Variants in LMBR1 observed in about 807,000 individuals in gnomAD.
The protein encoded by LMBR1 is limb region 1 protein homolog.
Under a neutral mutation model 73.9 loss-of-function variants are expected in LMBR1, and 52 were observed. The ratio of observed to expected loss-of-function variants is 0.70; its 90% CI spans 0.56 to 0.89. The LOEUF (loss-of-function observed/expected upper bound fraction) is 0.89, where lower values mean the gene tolerates loss of function less well. LMBR1 is among the 40% of genes least tolerant of loss of function. The probability of loss-of-function intolerance (pLI) is 0.00; values close to 1 mark genes in which losing one functional copy is unlikely to be tolerated. For missense variants in LMBR1, 539 were observed against 579.8 expected, an observed-to-expected ratio of 0.93 and a Z score of 0.72; for synonymous variants, 215 against 209.4, an observed-to-expected ratio of 1.03 and a Z score of -0.23.
At chr7:156,778,520 C>G (rs578162598) in intron 5 of LMBR1, among the ~76,000 whole-genome samples, 8 of 152,252 alleles carry the variant, frequency 5.3e-5, no homozygotes, top group African/African-American at 1.4e-4. Context: ...TTACATAAAC[C>G]TTTTAAAAAG....
downstream of LMBR1, chr7:156,676,247 A>G (rs73163981): frequency 2.3e-4 from 275 of 1,182,252 alleles, 5 homozygotes; most frequent in Middle Eastern, 1.3e-3. Context: ...ATGTGTGTGT[A>G]TATATATATG....
At chr7:156,672,488 C>G (rs576016939) in intron 4 of LMBR1, among the ~76,000 whole-genome samples, 1 of 152,288 alleles carries the variant, frequency 6.6e-6, no homozygotes, top group East Asian at 1.9e-4. Context: ...TCACCCAACA[C>G]AGTTGTTCAG....
chr7:156,761,976 CAA>C (rs552712592), intron 8 of LMBR1, among the ~76,000 whole-genome samples, 156 bp downstream of exon 8: 4 of 104,180 alleles, frequency 3.8e-5, no homozygotes, highest in Non-Finnish European at 1.9e-5. Flanking sequence ...GACTCTGTCT[CAA>C]AAAAAAAAAA....
chr7:156,750,966 C>T (rs1477564529), intron 9 of LMBR1, among the ~76,000 whole-genome samples: 1 of 152,072 alleles, frequency 6.6e-6, no homozygotes, highest in Non-Finnish European at 1.5e-5. Context: ...AAAAATTAGC[C>T]GGGTATGGTG....
At chr7:156,702,512 C>G (rs1809993975) in intron 15 of LMBR1, among the ~76,000 whole-genome samples, 1 of 150,116 alleles carries the variant, frequency 6.7e-6, no homozygotes, top group African/African-American at 2.5e-5. Flanking sequence ...CTTGTAGATT[C>G]TGGATATTAG....
At chr7:156,885,821 T>G (rs542733414) in intron 1 of LMBR1, among the ~76,000 whole-genome samples, 48 of 152,186 alleles carry the variant, frequency 3.2e-4, no homozygotes, top group African/African-American at 1.1e-3. Context: ...GAGGTTATCG[T>G]GAGCCGAGAT....
chr7:156,755,329 G>A (rs1470286106), intron 9 of LMBR1, among the ~76,000 whole-genome samples: 1 of 152,226 alleles, frequency 6.6e-6, no homozygotes, highest in Non-Finnish European at 1.5e-5. Flanking sequence ...GGGAAAGTGA[G>A]AAAGGCTGTA....
intron 5 of LMBR1, among the ~76,000 whole-genome samples, chr7:156,781,993 A>G (rs1385682659): frequency 6.6e-6 from 1 of 152,138 alleles, no homozygotes; most frequent in Non-Finnish European, 1.5e-5. Flanking sequence ...TTCCCCCCCA[A>G]TACACAATCC....
intron 5 of LMBR1, among the ~76,000 whole-genome samples, chr7:156,766,253 AAGGAG>A (rs1262794630): frequency 1.3e-5 from 2 of 152,066 alleles, no homozygotes; most frequent in African/African-American, 4.8e-5. Flanking sequence ...CTCTGAAGCA[AAGGAG>A]AGGTTTGTTT....
At chr7:156,868,738 G>A (rs923826133) in intron 1 of LMBR1, among the ~76,000 whole-genome samples, 5 of 151,776 alleles carry the variant, frequency 3.3e-5, no homozygotes, top group African/African-American at 1.2e-4. Flanking sequence ...AGCCAACGTG[G>A]GCAGATAGCT....
chr7:156,817,492 C>CAGAGAG (rs72370655), intron 4 of LMBR1, among the ~76,000 whole-genome samples: 7 of 146,856 alleles, frequency 4.8e-5, no homozygotes, highest in Non-Finnish European at 9.1e-5. Flanking sequence ...TAAAAAGAGA[C>CAGAGAG]AGAGAGAGAG....
chr7:156,871,275 A>T (rs983404204), intron 1 of LMBR1, among the ~76,000 whole-genome samples: 1 of 152,210 alleles, frequency 6.6e-6, no homozygotes, highest in Non-Finnish European at 1.5e-5. Flanking sequence ...AACCTATAAG[A>T]AGTATGCAGA....
chr7:156,799,195 C>G (rs1335689845), intron 4 of LMBR1, among the ~76,000 whole-genome samples: 1 of 148,952 alleles, frequency 6.7e-6, no homozygotes, highest in South Asian at 2.2e-4. Flanking sequence ...GAGCGAGACT[C>G]CATCTCAAAA....
Position 156,762,972 on chromosome 7 carries a change from T to C in LMBR1, c.619+136A>G, listed in dbSNP as rs1823389717. On this transcript the variant is annotated intron_variant, in intron 7 of 16. Transcript: ENST00000353442. Reference sequence around the variant, plus strand: ...CAAAGTTTCCATTTATCAAAATTTATTTTGAATAAAAATAGTTAAGGCGAA... The same window carrying C: ...CAAAGTTTCCATTTATCAAAATTTACTTTGAATAAAAATAGTTAAGGCGAA... 14 of 561,918 alleles carry C rather than the reference T, an allele frequency of 2.5e-5. No homozygotes were observed. The South Asian group carries it at 2.8e-4, about 11-fold the overall frequency. 34.8% of individuals were successfully genotyped at this position (561,918 alleles called of 1,614,324 possible).
At chr7:156,825,302 T>A (rs7784470) in intron 4 of LMBR1, among the ~76,000 whole-genome samples, 71,051 of 151,982 alleles carry the variant, frequency 0.47, 16,850 homozygotes, top group East Asian at 0.61. Flanking sequence ...ACCAACTAAC[T>A]ACATTAACAA....
At chr7:156,892,848 G>A (rs1803397850) in intron 1 of LMBR1, 80 bp downstream of exon 1, 2 of 643,564 alleles carry the variant, frequency 3.1e-6, no homozygotes, top group Non-Finnish European at 2.0e-6. Flanking sequence ...GAGGGGTCCG[G>A]GGACCGGGGG....
At chr7:156,763,202 T>C (rs780375927) in intron 6 of LMBR1, 26 bp from the exon 7 acceptor site, 1 of 1,022,384 alleles carries the variant, frequency 9.8e-7, no homozygotes, top group Non-Finnish European at 1.4e-6. Flanking sequence ...AAATATATTT[T>C]AATAAATCCA....
In LMBR1 at chr7:156,769,257, C is replaced by T. The variant is rs1404400429; in HGVS notation, c.424-5462G>A. ...GGCACCACTCATTTCAGGACTGAGACTCCTTGACTCAGCAGCCACACCCAT... is the reference window on the plus strand; with the variant it reads ...GGCACCACTCATTTCAGGACTGAGATTCCTTGACTCAGCAGCCACACCCAT... On this transcript the variant is annotated intron_variant, in intron 5 of 16. Transcript: ENST00000353442. 1.3e-5 allele frequency among the ~76,000 whole-genome samples: 2 copies of T among 152,164 alleles called. No homozygotes were observed. Among genetic ancestry groups the T allele is most frequent in the Non-Finnish European group, 2.9e-5 (2 of 68,018 alleles).
rs779437927 is a variant in LMBR1 at position 156,748,481 on chromosome 7, C to A, written c.757+7912G>T. Among the ~76,000 whole-genome samples the A allele has an allele frequency of 2.6e-5, 4 of 152,026 alleles. No homozygotes were observed. The South Asian group carries it at 6.2e-4, about 24-fold the overall frequency. ...TATATTAAATTCATCTTCTACTACA[C>A]AAATTTGGATTTTTTTTTCTTTATT... On this transcript the variant is annotated intron_variant, in intron 9 of 16. Transcript: ENST00000353442.
Sources: gnomAD v4.1 joint callset for allele counts (sites outside exome capture counted in the v4.1 genomes callset) on GRCh38, gnomAD v4.1.1 for gene constraint, MANE v1.5 for transcripts, NCBI Gene and HGNC (gene_info 2026-07-23, HGNC 2026-07-21) for gene names.